Variants in ALK observed in about 807,000 individuals in gnomAD.
ALK encodes ALK tyrosine kinase receptor.
ALK carries 74 observed loss-of-function variants against 163.1 expected under a neutral mutation model. That is an observed-to-expected ratio of 0.45 (90% CI 0.38 to 0.55). The LOEUF is 0.55. Among genes scored for constraint, ALK ranks in the 20% least tolerant of loss-of-function variants. ALK has a pLI of 0.00. For missense variants in ALK, 2,063 were observed against 2,105.3 expected, an observed-to-expected ratio of 0.98 and a Z score of 0.39; for synonymous variants, 960 against 843.2, an observed-to-expected ratio of 1.14 and a Z score of -2.40.
At chr2:29,556,363 G>A (rs1673861013) in intron 3 of ALK, among the ~76,000 whole-genome samples, 1 of 152,200 alleles carries the variant, frequency 6.6e-6, no homozygotes, top group African/African-American at 2.4e-5. Context: ...TTAGCACACT[G>A]TGTGGCATTC....
At position 29,239,665 on chromosome 2, in the gene ALK, G is replaced by A. The variant is rs754993912; in HGVS notation, c.2355+15C>T. On this transcript the variant is annotated intron_variant, in intron 13 of 28. Coordinates refer to ENST00000389048, the MANE Select transcript of ALK (RefSeq NM_004304.5). ...GACAGAGTGCAGACGAGAAACCCCTGCTCTGGGCACTTACACTGGGGCAGG... is the reference window on the plus strand; with the variant it reads ...GACAGAGTGCAGACGAGAAACCCCTACTCTGGGCACTTACACTGGGGCAGG... The A allele has an allele frequency of 6.2e-7, 1 of 1,613,454 alleles. No individual in the cohort carries two copies. Among genetic ancestry groups the A allele is most frequent in the Non-Finnish European group, 8.5e-7 (1 of 1,180,008 alleles).
chr2:29,359,262 G>C (rs978053334), intron 5 of ALK, among the ~76,000 whole-genome samples: 1 of 152,170 alleles, frequency 6.6e-6, no homozygotes, highest in Non-Finnish European at 1.5e-5. Flanking sequence ...TTTGCATTGC[G>C]GCCAATGCCC....
chr2:29,787,149 C>G (rs1007483520), intron 1 of ALK, among the ~76,000 whole-genome samples: 1 of 152,170 alleles, frequency 6.6e-6, no homozygotes, highest in African/African-American at 2.4e-5. Context: ...AAAGAAGCCT[C>G]TTGAAGTCCA....
intron 1 of ALK, among the ~76,000 whole-genome samples, chr2:29,887,718 C>T (rs961311898): frequency 6.6e-6 from 1 of 152,158 alleles, no homozygotes; most frequent in African/African-American, 2.4e-5. Flanking sequence ...AAAAGTCACA[C>T]TGTGGGTAGG....
At chr2:29,504,465 A>C (rs1672262363) in intron 4 of ALK, among the ~76,000 whole-genome samples, 1 of 152,222 alleles carries the variant, frequency 6.6e-6, no homozygotes, top group South Asian at 2.1e-4. Context: ...TAGAAAGGCC[A>C]GTCAGGAGGT....
At chr2:29,755,971 G>T (rs116332527) in intron 1 of ALK, among the ~76,000 whole-genome samples, 2 of 152,164 alleles carry the variant, frequency 1.3e-5, no homozygotes, top group African/African-American at 4.8e-5. Context: ...GGAGGCTGCC[G>T]TTGGCCCAGA....
chr2:29,391,117 C>T (rs1250298357), intron 4 of ALK, among the ~76,000 whole-genome samples: 1 of 152,120 alleles, frequency 6.6e-6, no homozygotes, highest in Non-Finnish European at 1.5e-5. Flanking sequence ...TTAGCATTGT[C>T]AGCTGTAAAG....
chr2:29,768,370 C>T (rs1680921219), intron 1 of ALK, among the ~76,000 whole-genome samples: 1 of 152,160 alleles, frequency 6.6e-6, no homozygotes, highest in Admixed American at 6.5e-5. Context: ...GGGAATCCAC[C>T]TCAGGAAATC....
intron 4 of ALK, among the ~76,000 whole-genome samples, chr2:29,506,777 G>A (rs80288089): frequency 0.013 from 2,006 of 151,734 alleles, 60 homozygotes; most frequent in African/African-American, 0.047. Flanking sequence ...AGTTAAGCAG[G>A]ATTTGGATGG....
chr2:29,446,422 G>C (rs1397629715), intron 4 of ALK, among the ~76,000 whole-genome samples: 2 of 152,138 alleles, frequency 1.3e-5, no homozygotes, highest in African/African-American at 4.8e-5. Context: ...ACAGGTTTTT[G>C]TGAGACTTAA....
chr2:29,581,758 T>A (rs1305136692), intron 3 of ALK, among the ~76,000 whole-genome samples: 1 of 151,790 alleles, frequency 6.6e-6, no homozygotes, highest in Non-Finnish European at 1.5e-5. Context: ...CAGGAAGGAG[T>A]TCCTTTCTTC....
At chr2:29,816,307 AC>A (rs1664896104) in intron 1 of ALK, among the ~76,000 whole-genome samples, 1 of 152,028 alleles carries the variant, frequency 6.6e-6, no homozygotes, top group Non-Finnish European at 1.5e-5. Context: ...CTTTCTCTAA[AC>A]CTGTTTCCTT....
intron 3 of ALK, among the ~76,000 whole-genome samples, chr2:29,557,464 G>A (rs1673894363): frequency 6.6e-6 from 1 of 152,144 alleles, no homozygotes; most frequent in Non-Finnish European, 1.5e-5. Flanking sequence ...GGGTCTTTTG[G>A]CAAGAGATAT....
intron 3 of ALK, among the ~76,000 whole-genome samples, chr2:29,641,385 G>A (rs892586051): frequency 1.3e-5 from 2 of 152,172 alleles, no homozygotes; most frequent in African/African-American, 2.4e-5. Flanking sequence ...ACCACAGCGC[G>A]TGATTCTGAA....
At chr2:29,908,296 AC>A (rs1667604999) in intron 1 of ALK, among the ~76,000 whole-genome samples, 23 of 151,900 alleles carry the variant, frequency 1.5e-4, no homozygotes, top group Non-Finnish European at 2.8e-4. Context: ...ACACACACAC[AC>A]ACACACACAC....
At chr2:29,729,985 A>C (rs1211014694) in intron 1 of ALK, among the ~76,000 whole-genome samples, 2 of 152,234 alleles carry the variant, frequency 1.3e-5, no homozygotes, top group African/African-American at 4.8e-5. Context: ...GAAGGGAAGG[A>C]GAGAGTTCCT....
rs995727460 is a variant in ALK at position 29,896,462 on chromosome 2, T to C, written c.667+23531A>G. Among the ~76,000 whole-genome samples the C allele has an allele frequency of 1.3e-5, 2 of 152,154 alleles. 1 individual carries two copies. The highest frequency in any genetic ancestry group is 4.8e-5 in the African/African-American group (2 of 41,420). ...AATGAGGTCAATAAGGGTGGGGCTC[T>C]AATCTAACAGGATTCACATCCTTAT... On this transcript the variant is annotated intron_variant, in intron 1 of 28. Transcript: ENST00000389048.
At chr2:29,511,287 T>C (rs1269548510) in intron 4 of ALK, among the ~76,000 whole-genome samples, 1 of 152,154 alleles carries the variant, frequency 6.6e-6, no homozygotes, top group Non-Finnish European at 1.5e-5. Flanking sequence ...CCCTTTGCAG[T>C]CAATCCTGCC....
At chr2:29,899,611 G>C (rs2148429892) in intron 1 of ALK, 1 of 152,710 alleles carries the variant, frequency 6.5e-6, no homozygotes, top group African/African-American at 2.4e-5. Context: ...CGGATCACAA[G>C]GTCAGGAGAT....
Sources: allele counts gnomAD v4.1 joint callset (sites outside exome capture counted in the v4.1 genomes callset), GRCh38; gene constraint gnomAD v4.1.1; transcripts MANE v1.5; gene names NCBI Gene and HGNC (gene_info 2026-07-23, HGNC 2026-07-21).